The following HACD4 variants were observed in gnomAD, a reference collection of about 807,000 sequenced individuals.
The protein encoded by HACD4 is very-long-chain (3R)-3-hydroxyacyl-CoA dehydratase 4.
HACD4 carries 35 observed loss-of-function variants against 33.3 expected under a neutral mutation model. The observed-to-expected ratio is 1.05, with a 90% CI of 0.80 to 1.39. HACD4 has a LOEUF of 1.39. HACD4 is among the 40% of genes most tolerant of loss of function. The probability of loss-of-function intolerance (pLI) is 0.00; values close to 1 mark genes in which losing one functional copy is unlikely to be tolerated. For missense variants in HACD4, 323 were observed against 276.5 expected, an observed-to-expected ratio of 1.17 and a Z score of -1.19; for synonymous variants, 118 against 98.0, an observed-to-expected ratio of 1.20 and a Z score of -1.21.
intron 1 of HACD4, 112 bp downstream of exon 1, chr9:21,031,441 G>A (rs1055597941): frequency 2.2e-6 from 3 of 1,343,960 alleles, no homozygotes; most frequent in East Asian, 6.3e-5. Context: ...GTAGCGCTGC[G>A]CCTTGCTGGC....
At chr9:21,017,973 G>C (rs556005849) in intron 3 of HACD4, 3 of 152,290 alleles carry the variant, frequency 2.0e-5, no homozygotes, top group East Asian at 3.9e-4. Context: ...TCACTTCACT[G>C]TCTGTGGCAA....
In HACD4 at chr9:21,005,349, A is replaced by G. The variant is rs527596818; in HGVS notation, c.*1688T>C. ...AAATTATCAGTCTGTCTGCATTACAAAAAGATAAGAAAACACGTTTGGTAG... is the reference window on the plus strand; with the variant it reads ...AAATTATCAGTCTGTCTGCATTACAGAAAGATAAGAAAACACGTTTGGTAG... On this transcript the variant is annotated 3_prime_UTR_variant, in exon 7 of 7. Coordinates refer to ENST00000495827, the MANE Select transcript of HACD4 (RefSeq NM_001010915.5). The surrounding 1 kb of genome is among the most constrained non-coding windows in gnomAD (Gnocchi z 4.0). 1 of 152,356 alleles carries G rather than the reference A, an allele frequency of 6.6e-6. No individual in the cohort carries two copies. Among genetic ancestry groups the G allele is most frequent in the East Asian group, 1.9e-4 (1 of 5,186 alleles). The allele number at this position is 152,356 out of a possible 1,614,324, so 9.4% of individuals were successfully genotyped here.
rs999442757 is a variant in HACD4 at position 21,028,342 on chromosome 9, A to T, written c.142+953T>A. On this transcript the variant is annotated intron_variant, in intron 2 of 6. Coordinates refer to ENST00000495827, the MANE Select transcript of HACD4 (RefSeq NM_001010915.5). ...GTGATGGCTTTTTAATAAAAATATA[A>T]AAGAAGTTTTCCCATCACCTGTGTT... Among the ~76,000 whole-genome samples, 5 of 152,126 alleles carry T rather than the reference A, an allele frequency of 3.3e-5. No homozygotes were observed. In the South Asian group the frequency reaches 6.2e-4, roughly 19 times the overall value.
Position 21,006,041 on chromosome 9 carries a change from G to T in HACD4, c.*996C>A, listed in dbSNP as rs1842260865. 6.6e-6 allele frequency: 1 copy of T among 152,204 alleles called. No individual in the cohort carries two copies. Among genetic ancestry groups the T allele is most frequent in the Non-Finnish European group, 1.5e-5 (1 of 68,040 alleles). The allele number at this position is 152,204 out of a possible 1,614,324, so 9.4% of individuals were successfully genotyped here. A position where few individuals can be genotyped will look rare whatever the true frequency, so the allele number is the denominator to read the frequency against. The stretch of plus-strand genomic sequence containing the variant: ...TTTAGACGAGACTTTGGACTTTAGA[G>T]TTGATGCAGGAATGAGTTAAGACTT... On this transcript the variant is annotated 3_prime_UTR_variant, in exon 7 of 7. Transcript: ENST00000495827. This position sits in a 1 kb window ranked among gnomAD's most constrained non-coding sequence, Gnocchi z 4.6.
chr9:21,020,718 T>C (rs768218276), intron 3 of HACD4, among the ~76,000 whole-genome samples: 4 of 152,176 alleles, frequency 2.6e-5, no homozygotes, highest in South Asian at 4.1e-4. Flanking sequence ...TTTTGAAAAG[T>C]AAAAGTATCA....
chr9:21,028,877 C>T (rs1587842567), intron 2 of HACD4, among the ~76,000 whole-genome samples: 3 of 152,156 alleles, frequency 2.0e-5, no homozygotes, highest in Admixed American at 2.0e-4. Flanking sequence ...ATTTGTATTT[C>T]ACTTACTAGT....
rs1252193546 is a variant in HACD4, at chr9:21,001,304, C to T, written c.*5733G>A. 1.3e-5 allele frequency: 2 copies of T among 151,858 alleles called. No homozygotes were observed. Among genetic ancestry groups the T allele is most frequent in the African/African-American group, 4.8e-5 (2 of 41,334 alleles). The allele number at this position is 151,858 out of a possible 1,614,324, so 9.4% of individuals were successfully genotyped here. ...AAAGTACGATAATTGAAATGAAAAACTCACTAGAGGTATTCAAAGGCAGAT... is the reference window on the plus strand; with the variant it reads ...AAAGTACGATAATTGAAATGAAAAATTCACTAGAGGTATTCAAAGGCAGAT... On this transcript the variant is annotated 3_prime_UTR_variant, in exon 7 of 7. Transcript: ENST00000495827.
chr9:21,030,077 A>C (rs1818169593), intron 1 of HACD4, among the ~76,000 whole-genome samples: 1 of 152,108 alleles, frequency 6.6e-6, no homozygotes, highest in Non-Finnish European at 1.5e-5. Flanking sequence ...ATCTTTGATA[A>C]AGTTCTAACC....
intron 1 of HACD4, 65 bp from the exon 2 acceptor site, chr9:21,029,463 T>C (rs931224135): frequency 3.0e-6 from 3 of 994,604 alleles, no homozygotes; most frequent in Non-Finnish European, 4.5e-6. Context: ...ACTGTACACA[T>C]GCCCTTTAAT....
chr9:21,027,941 C>A (rs966613699), intron 2 of HACD4, among the ~76,000 whole-genome samples: 3 of 151,944 alleles, frequency 2.0e-5, no homozygotes, highest in African/African-American at 7.3e-5. Context: ...TCAATACCAG[C>A]CTGGCCAATG....
At chr9:21,021,305 A>G (rs377339341) in intron 3 of HACD4, among the ~76,000 whole-genome samples, 1 of 152,128 alleles carries the variant, frequency 6.6e-6, no homozygotes, top group Admixed American at 6.6e-5. Flanking sequence ...AGCATTCCCT[A>G]TGAAAACTGG....
rs766031148 is a variant in HACD4 at position 21,015,925 on chromosome 9, A to G, written c.356T>C (p.Val119Ala). The G allele has an allele frequency of 1.2e-6, 2 of 1,612,420 alleles. No homozygotes were observed. The highest frequency in any genetic ancestry group is 3.3e-5 in the Admixed American group (2 of 60,014). The change falls in exon 4 of 7, where the codon GTC (valine) becomes GCC (alanine). Residue 119 changes from valine to alanine, a missense_variant. Val to Ala is a moderately conservative substitution (Grantham distance 64, BLOSUM62 0). Coordinates refer to ENST00000495827, the MANE Select transcript of HACD4 (RefSeq NM_001010915.5). ...QEKYVVCVLF[V>A]FWNLLDMVRY... ...AACCATATCCAATAGATTCCAAAAGACGAATAAAACACACACCACATATTT... is the reference window on the plus strand; with the variant it reads ...AACCATATCCAATAGATTCCAAAAGGCGAATAAAACACACACCACATATTT...
chr9:21,010,467 C>CCCA (rs1554757248), intron 5 of HACD4, among the ~76,000 whole-genome samples: 21 of 117,860 alleles, frequency 1.8e-4, no homozygotes, highest in African/African-American at 6.8e-4. Flanking sequence ...CCCCCCCCCC[C>CCCA]CCCAGAGCTT....
At position 21,011,595 on chromosome 9, in the gene HACD4, C is replaced by T. The variant is rs1304457916; in HGVS notation, c.484G>A (p.Ala162Thr). The T allele has an allele frequency of 1.9e-6, 3 of 1,589,068 alleles. No homozygotes were observed. The highest frequency in any genetic ancestry group is 2.6e-6 in the Non-Finnish European group (3 of 1,157,772). Residue 162 changes from alanine (A) to threonine (T), a missense_variant, in exon 5 of 7, where the codon GCT (alanine) becomes ACT (threonine). By Grantham distance (58) the Ala-to-Thr change is moderately conservative (BLOSUM62 0). Coordinates refer to ENST00000495827, the MANE Select transcript of HACD4 (RefSeq NM_001010915.5). ...CAAGTCACTCTTTTCTTACCTTCAG[C>T]AAGAACACACAAAGGATAAATTGGC... ...WMPIYPLCVL[A>T]EAFAIYQSLP...
At chr9:21,013,948 C>T (rs1842497268) in intron 4 of HACD4, among the ~76,000 whole-genome samples, 1 of 152,100 alleles carries the variant, frequency 6.6e-6, no homozygotes, top group Admixed American at 6.6e-5. Context: ...GCCTTATTGC[C>T]ATGGATAGAA....
rs1842135245 is a variant in HACD4 at position 20,999,520 on chromosome 9, G to C, written c.*7517C>G. 6.6e-6 allele frequency: 1 copy of C among 152,082 alleles called. No individual in the cohort carries two copies. The highest frequency in any genetic ancestry group is 6.6e-5 in the Admixed American group (1 of 15,254). 9.4% of individuals were successfully genotyped at this position (152,082 alleles called of 1,614,324 possible). Reference sequence around the variant, plus strand: ...TTCTGACATGTATATGGGGACTCAGGAAGACAGTGGAAGTTTATTAAGAAA... The same window carrying C: ...TTCTGACATGTATATGGGGACTCAGCAAGACAGTGGAAGTTTATTAAGAAA... On this transcript the variant is annotated 3_prime_UTR_variant, in exon 7 of 7. Transcript: ENST00000495827.
rs1253801353 is a variant in HACD4, at chr9:21,006,138, GA to G, written c.*898del. The G allele has an allele frequency of 5.3e-5, 8 of 152,194 alleles. No individual in the cohort carries two copies. Among genetic ancestry groups the G allele is most frequent in the Non-Finnish European group, 1.2e-4 (8 of 68,046 alleles). The allele number at this position is 152,194 out of a possible 1,614,324, so 9.4% of individuals were successfully genotyped here. A position where few individuals can be genotyped will look rare whatever the true frequency, so the allele number is the denominator to read the frequency against. On this transcript the variant is annotated 3_prime_UTR_variant, in exon 7 of 7. Transcript: ENST00000495827. This position sits in a 1 kb window ranked among gnomAD's most constrained non-coding sequence, Gnocchi z 4.6. ...CATGAATTTTGTAGGACCAGGTACA[GA>G]ATGCTATGGAGTGAATCTTTGTGTT...
chr9:21,025,478 T>G (rs369525436), intron 3 of HACD4, among the ~76,000 whole-genome samples: 3 of 152,308 alleles, frequency 2.0e-5, no homozygotes, highest in East Asian at 3.9e-4. Context: ...TTTTACAATG[T>G]GAAATTGTCA....
At chr9:21,024,912 G>A (rs1033422533) in intron 3 of HACD4, among the ~76,000 whole-genome samples, 6 of 152,126 alleles carry the variant, frequency 3.9e-5, no homozygotes, top group South Asian at 4.1e-4. Flanking sequence ...TTTATTTAAC[G>A]TTAGTTGTTA....
Sources: gnomAD v4.1 joint callset for allele counts (sites outside exome capture counted in the v4.1 genomes callset) on GRCh38, gnomAD v4.1.1 for gene constraint, Gnocchi (gnomAD v3.1) non-coding constraint, MANE v1.5 for transcripts, NCBI Gene and HGNC (gene_info 2026-07-23, HGNC 2026-07-21) for gene names.